Variants in TPCN2 observed in about 807,000 individuals in gnomAD.
TPCN2 encodes the protein two pore channel protein 2.
A neutral mutation model predicts 111.4 loss-of-function variants in TPCN2; 92 were observed. The ratio of observed to expected loss-of-function variants is 0.83; its 90% CI spans 0.70 to 0.98. The LOEUF is 0.98. Among genes scored for constraint, TPCN2 ranks in the 50% least tolerant of loss-of-function variants. The pLI is 0.00. For synonymous variants in TPCN2, 405 were observed against 414.5 expected, an observed-to-expected ratio of 0.98 and a Z score of 0.28; for missense variants, 995 against 980.1, an observed-to-expected ratio of 1.02 and a Z score of -0.20.
chr11:69,083,104 C>T (rs931923691), intron 18 of TPCN2: 1 of 152,620 alleles, frequency 6.6e-6, no homozygotes, highest in African/African-American at 2.4e-5. Context: ...TCCATGTGAA[C>T]TTGTGCCCGT....
chr11:69,085,185 C>G, intron 19 of TPCN2, 25 bp from the exon 20 acceptor site: 1 of 1,612,088 alleles, frequency 6.2e-7, no homozygotes, highest in Non-Finnish European at 8.5e-7. Context: ...TGGGGCTGAT[C>G]AGTCCCCGGC....
intron 4 of TPCN2, 47 bp from the exon 5 acceptor site, chr11:69,057,531 C>T (rs764849100): frequency 1.9e-6 from 3 of 1,550,204 alleles, no homozygotes; most frequent in Non-Finnish European, 2.7e-6. Flanking sequence ...GGCTGCAGGG[C>T]CAGCGTGTGG....
Position 69,078,603 on chromosome 11 carries a change from T to C in TPCN2, c.1350+2T>C. On this transcript the variant is annotated splice_donor_variant, in intron 14 of 24. Coordinates refer to ENST00000294309, the MANE Select transcript of TPCN2 (RefSeq NM_139075.4). LOFTEE classifies it high-confidence loss of function. The stretch of plus-strand genomic sequence containing the variant: ...CTGGCAAACCTGGTGTCCATTTGCG[T>C]GAGTGTGGATTTGCCCCAGAGCTGG... The C allele has an allele frequency of 6.2e-7, 1 of 1,613,916 alleles. No individual in the cohort carries two copies. Among genetic ancestry groups the C allele is most frequent in the Non-Finnish European group, 8.5e-7 (1 of 1,180,008 alleles).
chr11:69,087,761 C>T, intron 24 of TPCN2, 114 bp from the exon 25 acceptor site: 1 of 745,102 alleles, frequency 1.3e-6, no homozygotes, highest in Non-Finnish European at 2.2e-6. Context: ...GTCTCTGTGT[C>T]CCTGTGACAC....
intron 13 of TPCN2, among the ~76,000 whole-genome samples, chr11:69,074,300 A>G (rs529411273): frequency 4.5e-4 from 68 of 152,230 alleles, no homozygotes; most frequent in Non-Finnish European, 9.1e-4. Context: ...TTAGGGCTGC[A>G]TTCCTCATTG....
chr11:69,086,037 G>A (rs1856259729), intron 22 of TPCN2, 107 bp downstream of exon 22: 10 of 1,079,184 alleles, frequency 9.3e-6, no homozygotes, highest in East Asian at 7.7e-5. Context: ...TGGCTGGGAC[G>A]GGGACTCGGG....
Position 69,086,592 on chromosome 11 carries a change from C to A in TPCN2, c.2073C>A (p.Ala691=). 2 of 1,613,884 alleles carry A rather than the reference C, an allele frequency of 1.2e-6. No individual in the cohort carries two copies. Among genetic ancestry groups the A allele is most frequent in the Admixed American group, 1.7e-5 (1 of 60,006 alleles). ...TCATCTGGGTCAACCTGTTTCTGGC[C>A]CTGATTCTGGAGGTATCAGAGATCC... The part of the protein sequence containing the change: ...SSVIWVNLFL[A]LILENFLHKW... Residue 691 remains alanine (A), a synonymous_variant, in exon 23 of 25, where the codon GCC becomes GCA. Coordinates refer to ENST00000294309, the MANE Select transcript of TPCN2 (RefSeq NM_139075.4).
intron 5 of TPCN2, among the ~76,000 whole-genome samples, chr11:69,062,587 A>G (rs1233019655): frequency 7.2e-6 from 1 of 138,544 alleles, no homozygotes; most frequent in Non-Finnish European, 1.6e-5. Context: ...GGGTGGGCAC[A>G]GGGGAGGATG....
intron 18 of TPCN2, among the ~76,000 whole-genome samples, chr11:69,082,327 TAC>T (rs1035250016): frequency 2.0e-5 from 3 of 152,198 alleles, no homozygotes; most frequent in Non-Finnish European, 1.5e-5. Context: ...CACATGCATA[TAC>T]ACACACAATC....
chr11:69,057,947 G>A (rs1278055007), intron 5 of TPCN2, among the ~76,000 whole-genome samples: 1 of 152,236 alleles, frequency 6.6e-6, no homozygotes, highest in African/African-American at 2.4e-5. Flanking sequence ...GGGCGGACCT[G>A]GGAGTGAGCT....
intron 4 of TPCN2, among the ~76,000 whole-genome samples, chr11:69,057,021 G>A (rs1236180070): frequency 1.3e-5 from 2 of 150,896 alleles, no homozygotes; most frequent in East Asian, 3.9e-4. Flanking sequence ...TATTTTTGGT[G>A]GAGACAGGGT....
intron 17 of TPCN2, 30 bp downstream of exon 17, chr11:69,079,913 TACAGCAA>T (rs752818940): frequency 6.2e-7 from 1 of 1,611,818 alleles, no homozygotes; most frequent in African/African-American, 1.3e-5. Context: ...CGAGGGCGGC[TACAGCAA>T]ACAGCACCAC....
chr11:69,064,714 G>A (rs543287015), intron 7 of TPCN2, among the ~76,000 whole-genome samples: 1 of 152,364 alleles, frequency 6.6e-6, no homozygotes, highest in South Asian at 2.1e-4. Context: ...CCGTGTTGGG[G>A]TTTGGTGTGT....
At chr11:69,075,011 A>T (rs1203312166) in intron 13 of TPCN2, among the ~76,000 whole-genome samples, 7 of 152,120 alleles carry the variant, frequency 4.6e-5, no homozygotes, top group Non-Finnish European at 5.9e-5. Flanking sequence ...GGGCGGATGG[A>T]TTGCTTTGGC....
chr11:69,075,451 A>G (rs551181100), intron 13 of TPCN2, among the ~76,000 whole-genome samples: 3 of 152,344 alleles, frequency 2.0e-5, no homozygotes, highest in East Asian at 3.9e-4. Flanking sequence ...TTTGGGGAAT[A>G]AGGGTAAGAA....
chr11:69,057,427 T>A, intron 4 of TPCN2, 151 bp from the exon 5 acceptor site: 1 of 736,150 alleles, frequency 1.4e-6, no homozygotes, highest in Non-Finnish European at 2.4e-6. Flanking sequence ...TCGGGCCTCC[T>A]GACTGCTGCT....
In TPCN2 at chr11:69,078,489, C is replaced by G. The variant is rs765644692; in HGVS notation, c.1238C>G (p.Pro413Arg). 1.9e-6 allele frequency: 3 copies of G among 1,613,966 alleles called. No homozygotes were observed. The highest frequency in any genetic ancestry group is 1.6e-4 in the Middle Eastern group (1 of 6,084). ...CGTGTGTTCCTTGCCCAGCACCCGC[C>G]GAGGCCCGAGTACCAGTCTCCGTTT... ...LDRSVVKEHP[P>R]RPEYQSPFLQ... Residue 413 changes from proline to arginine, a missense_variant, in exon 14 of 25, where the codon CCG (proline) becomes CGG (arginine). Physicochemically the swap from Pro to Arg is moderately radical, Grantham distance 103. Coordinates refer to ENST00000294309, the MANE Select transcript of TPCN2 (RefSeq NM_139075.4).
At chr11:69,059,521 G>A (rs1351139516) in intron 5 of TPCN2, among the ~76,000 whole-genome samples, 1 of 152,214 alleles carries the variant, frequency 6.6e-6, no homozygotes, top group East Asian at 1.9e-4. Flanking sequence ...CCCGCCAAGT[G>A]GCCTCTGGTT....
At chr11:69,077,186 A>T (rs1855819058) in intron 13 of TPCN2, among the ~76,000 whole-genome samples, 1 of 59,616 alleles carries the variant, frequency 1.7e-5, no homozygotes, top group South Asian at 7.8e-4. Context: ...GTGTCCCTTC[A>T]CCTGCCCTCC....
Sources: allele counts gnomAD v4.1 joint callset (sites outside exome capture counted in the v4.1 genomes callset), GRCh38; gene constraint gnomAD v4.1.1; transcripts MANE v1.5; gene names NCBI Gene and HGNC (gene_info 2026-07-23, HGNC 2026-07-21).